Variants in ST8SIA5 observed in about 807,000 individuals in gnomAD.
ST8SIA5 encodes ST8 alpha-N-acetyl-neuraminide alpha-2,8-sialyltransferase 5, also known as alpha-2,8-sialyltransferase 8E.
Under a neutral mutation model 40.2 loss-of-function variants are expected in ST8SIA5, and 24 were observed. The observed-to-expected ratio is 0.60, with a 90% CI of 0.43 to 0.84. The LOEUF is 0.84. ST8SIA5 is among the 40% of genes least tolerant of loss of function. ST8SIA5 has a pLI of 0.00. For synonymous variants in ST8SIA5, 198 were observed against 201.8 expected, an observed-to-expected ratio of 0.98 and a Z score of 0.16; for missense variants, 465 against 498.5, an observed-to-expected ratio of 0.93 and a Z score of 0.64.
At chr18:46,718,081 C>A (rs1045962729) in intron 1 of ST8SIA5, among the ~76,000 whole-genome samples, 3 of 152,164 alleles carry the variant, frequency 2.0e-5, no homozygotes, top group Non-Finnish European at 2.9e-5. Flanking sequence ...GTAATCCCAG[C>A]ACCTTGGGAG....
At chr18:46,695,930 T>C (rs1272548838) in intron 2 of ST8SIA5, among the ~76,000 whole-genome samples, 1 of 152,066 alleles carries the variant, frequency 6.6e-6, no homozygotes, top group African/African-American at 2.4e-5. Context: ...TACACACCAA[T>C]TGGGGAGGAA....
rs148862454 is a variant in ST8SIA5 at position 46,689,387 on chromosome 18, G to A, written c.312-468C>T. Among the ~76,000 whole-genome samples, 130 of 152,234 alleles carry A rather than the reference G, an allele frequency of 8.5e-4. No individual in the cohort carries two copies. The East Asian group carries it at 0.022, about 26-fold the overall frequency. On this transcript the variant is annotated intron_variant, in intron 3 of 6. Transcript: ENST00000315087. ...CAGCCAGGCCTGGCATGGAAACTTG[G>A]GCTGCCGTCCTGGTGTCAAGAGGCC...
intron 1 of ST8SIA5, among the ~76,000 whole-genome samples, chr18:46,733,009 G>A (rs767019951): frequency 8.5e-5 from 13 of 152,086 alleles, no homozygotes; most frequent in Non-Finnish European, 1.3e-4. Flanking sequence ...GGGGCAGCTC[G>A]GGAGGCTGGA....
chr18:46,692,078 G>C (rs2039511377), intron 3 of ST8SIA5, 91 bp downstream of exon 3: 2 of 1,370,666 alleles, frequency 1.5e-6, no homozygotes, highest in Non-Finnish European at 2.1e-6. Context: ...TGCACGCTGA[G>C]AGCTGGGCCT....
At chr18:46,726,290 CTAT>C (rs1044782324) in intron 1 of ST8SIA5, among the ~76,000 whole-genome samples, 12 of 151,788 alleles carry the variant, frequency 7.9e-5, no homozygotes, top group African/African-American at 2.9e-4. Flanking sequence ...TGAGCATCTA[CTAT>C]GCATTAGGAA....
chr18:46,708,423 T>A (rs1347465647), intron 1 of ST8SIA5, among the ~76,000 whole-genome samples: 1 of 152,210 alleles, frequency 6.6e-6, no homozygotes, highest in Non-Finnish European at 1.5e-5. Flanking sequence ...GTGCTTCTGA[T>A]GCTTTGACAC....
At chr18:46,728,902 C>T (rs1304996925) in intron 1 of ST8SIA5, among the ~76,000 whole-genome samples, 3 of 152,154 alleles carry the variant, frequency 2.0e-5, no homozygotes, top group East Asian at 1.9e-4. Context: ...CCCAATAGCA[C>T]CACTTGCCTA....
chr18:46,683,338 T>A (rs2039416315), intron 5 of ST8SIA5, among the ~76,000 whole-genome samples: 1 of 152,190 alleles, frequency 6.6e-6, no homozygotes. Flanking sequence ...CATCAAATAC[T>A]ACATAATGAA....
chr18:46,709,529 A>G (rs117984701), intron 1 of ST8SIA5, among the ~76,000 whole-genome samples: 1,529 of 152,368 alleles, frequency 0.01, 3 homozygotes, highest in South Asian at 0.025. Context: ...AGGACGCTCA[A>G]GAACTGCATT....
At chr18:46,737,994 C>T (rs1454191851) in intron 1 of ST8SIA5, among the ~76,000 whole-genome samples, 2 of 152,132 alleles carry the variant, frequency 1.3e-5, no homozygotes, top group African/African-American at 4.8e-5. Flanking sequence ...TGGTCTCAAA[C>T]TCCTGACCTC....
At chr18:46,721,819 A>T (rs2039866985) in intron 1 of ST8SIA5, among the ~76,000 whole-genome samples, 1 of 152,156 alleles carries the variant, frequency 6.6e-6, no homozygotes, top group Non-Finnish European at 1.5e-5. Context: ...AAACCAAAAG[A>T]GCGCCAGCAC....
At chr18:46,706,543 T>C (rs989325532) in intron 1 of ST8SIA5, among the ~76,000 whole-genome samples, 1 of 152,248 alleles carries the variant, frequency 6.6e-6, no homozygotes, top group African/African-American at 2.4e-5. Context: ...CTTTTGCACC[T>C]ACATAATAGT....
intron 1 of ST8SIA5, among the ~76,000 whole-genome samples, chr18:46,740,285 C>T (rs1026396110): frequency 2.6e-5 from 4 of 152,030 alleles, no homozygotes; most frequent in Admixed American, 2.0e-4. Flanking sequence ...GAGGGTCACA[C>T]TGGGAACCTC....
Position 46,756,228 on chromosome 18 carries a change from G to A in ST8SIA5, c.131+150C>T, listed in dbSNP as rs16940042. The A allele has an allele frequency of 7.7e-3, 8,954 of 1,158,340 alleles. 533 individuals are homozygous for A. In the African/African-American group the frequency reaches 0.13, roughly 17 times the overall value. The allele number at this position is 1,158,340 out of a possible 1,614,324, so 71.8% of individuals were successfully genotyped here. ...CAAGGATGCTCTTGGAAACGCGGTGGCCCAAGCCTAAGCGGCCATGCTCGG... is the reference window on the plus strand; with the variant it reads ...CAAGGATGCTCTTGGAAACGCGGTGACCCAAGCCTAAGCGGCCATGCTCGG... On this transcript the variant is annotated intron_variant, in intron 1 of 6. Transcript: ENST00000315087.
intron 5 of ST8SIA5, 64 bp downstream of exon 5, chr18:46,686,110 G>A (rs2039443537): frequency 4.6e-6 from 7 of 1,511,374 alleles, no homozygotes; most frequent in Non-Finnish European, 6.4e-6. Context: ...TAGGGAACCG[G>A]GGGAAGAATA....
chr18:46,693,228 G>A (rs1006692775), intron 2 of ST8SIA5, among the ~76,000 whole-genome samples: 4 of 152,006 alleles, frequency 2.6e-5, no homozygotes, highest in African/African-American at 9.7e-5. Flanking sequence ...CACCCCCCAG[G>A]GCCTGCATAG....
At chr18:46,691,256 A>T (rs1005742015) in intron 3 of ST8SIA5, among the ~76,000 whole-genome samples, 5 of 152,226 alleles carry the variant, frequency 3.3e-5, no homozygotes, top group African/African-American at 1.2e-4. Flanking sequence ...CACTTTAAAC[A>T]TTCGCATTTC....
At position 46,680,477 on chromosome 18, in the gene ST8SIA5, G is replaced by T; in HGVS notation, c.696C>A (p.Phe232Leu). The part of the protein sequence containing the change: ...FHKLEKWRRP[F>L]YRVLQVYENA... ...TCTCGTACACCTGCAGCACGCGATA[G>T]AACGGCCGCCGCCACTTCTCCAGCT... is the stretch of plus-strand genomic sequence containing the variant. The change falls in exon 7 of 7, where the codon TTC (phenylalanine) becomes TTA (leucine). Residue 232 changes from phenylalanine to leucine, a missense_variant. By Grantham distance (22) the Phe-to-Leu change is conservative. Transcript: ENST00000315087. 1 of 1,594,500 alleles carries T rather than the reference G, an allele frequency of 6.3e-7. No homozygotes were observed. The highest frequency in any genetic ancestry group is 8.6e-7 in the Non-Finnish European group (1 of 1,168,848).
chr18:46,708,755 C>T (rs2039693507), intron 1 of ST8SIA5, among the ~76,000 whole-genome samples: 1 of 152,200 alleles, frequency 6.6e-6, no homozygotes, highest in Admixed American at 6.5e-5. Context: ...ACACTTCCCC[C>T]TCGCTCCCTC....
Sources: allele counts gnomAD v4.1 joint callset (sites outside exome capture counted in the v4.1 genomes callset), GRCh38; gene constraint gnomAD v4.1.1; transcripts MANE v1.5; gene names NCBI Gene and HGNC (gene_info 2026-07-23, HGNC 2026-07-21).